The following SPATA16 variants were observed in gnomAD, a reference collection of about 807,000 sequenced individuals.
SPATA16 encodes the protein spermatogenesis-associated protein 16.
Under a neutral mutation model 63.3 loss-of-function variants are expected in SPATA16, and 36 were observed. The ratio of observed to expected loss-of-function variants is 0.57; its 90% CI spans 0.44 to 0.75. SPATA16 has a LOEUF of 0.75. Among genes scored for constraint, SPATA16 ranks in the 30% least tolerant of loss-of-function variants. The pLI, the probability that SPATA16 is intolerant of heterozygous loss-of-function variation, is 0.00. For synonymous variants in SPATA16, 203 were observed against 216.7 expected (o/e 0.94, Z 0.56); for missense variants, 646 against 679.3 (o/e 0.95, Z 0.54).
chr3:173,097,684 G>C (rs1013412814), intron 2 of SPATA16, among the ~76,000 whole-genome samples: 2 of 152,178 alleles, frequency 1.3e-5, no homozygotes, highest in Admixed American at 6.6e-5. Flanking sequence ...TTTACTGCAC[G>C]TAAGGGATGG....
intron 3 of SPATA16, among the ~76,000 whole-genome samples, chr3:173,034,058 T>C (rs1414189567): frequency 1.3e-5 from 2 of 152,172 alleles, no homozygotes; most frequent in African/African-American, 4.8e-5. Flanking sequence ...AACTTCCCTC[T>C]GTTCTACCTA....
At chr3:173,115,757 G>A (rs1737878688) in intron 2 of SPATA16, among the ~76,000 whole-genome samples, 1 of 152,114 alleles carries the variant, frequency 6.6e-6, no homozygotes, top group African/African-American at 2.4e-5. Flanking sequence ...CATTATAACT[G>A]TAGTCATTTT....
At chr3:173,063,070 A>G (rs1736423628) in intron 2 of SPATA16, among the ~76,000 whole-genome samples, 2 of 152,206 alleles carry the variant, frequency 1.3e-5, no homozygotes, top group African/African-American at 2.4e-5. Context: ...TCCAACAGCT[A>G]TTACTAATAT....
intron 4 of SPATA16, among the ~76,000 whole-genome samples, chr3:173,007,764 A>G (rs1161968811): frequency 6.6e-6 from 1 of 152,102 alleles, no homozygotes; most frequent in Non-Finnish European, 1.5e-5. Context: ...TGAACTTGGT[A>G]AAATACATCT....
At chr3:173,077,570 A>G (rs1486357234) in intron 2 of SPATA16, among the ~76,000 whole-genome samples, 2 of 152,212 alleles carry the variant, frequency 1.3e-5, no homozygotes, top group Admixed American at 1.3e-4. Flanking sequence ...GTGGTGAGAT[A>G]TAACAGAAAG....
At chr3:173,082,939 T>C (rs1053714809) in intron 2 of SPATA16, among the ~76,000 whole-genome samples, 1 of 152,192 alleles carries the variant, frequency 6.6e-6, no homozygotes, top group Non-Finnish European at 1.5e-5. Context: ...TGTTCACTTT[T>C]GTATCACCAG....
intron 4 of SPATA16, among the ~76,000 whole-genome samples, chr3:172,999,657 G>A (rs183607671): frequency 5.9e-5 from 9 of 151,988 alleles, no homozygotes; most frequent in African/African-American, 1.7e-4. Flanking sequence ...CAGTTGATCC[G>A]CCCGCCTAGG....
At chr3:172,919,560 C>T (rs980551473) in intron 8 of SPATA16, among the ~76,000 whole-genome samples, 2 of 152,110 alleles carry the variant, frequency 1.3e-5, no homozygotes, top group South Asian at 2.1e-4. Flanking sequence ...ACGTATTTAC[C>T]GACTGTATTC....
Position 172,925,452 on chromosome 3 carries a change from C to G in SPATA16, c.1122G>C (p.Trp374Cys). The part of the protein sequence containing the change: ...ALHMLPQTVD[W>C]SSFPPQQYLL... ...GATATTGTTGGGGAGGAAAAGATGA[C>G]CAGTCAACTGTCTGAGGCAACATGT... The change falls in exon 7 of 11, where the codon TGG (tryptophan) becomes TGC (cysteine). Residue 374 changes from tryptophan to cysteine, a missense_variant. By Grantham distance (215) the Trp-to-Cys change is radical. Coordinates refer to ENST00000351008, the MANE Select transcript of SPATA16 (RefSeq NM_031955.6). 1 of 1,613,952 alleles carries G rather than the reference C, an allele frequency of 6.2e-7. No homozygotes were observed. The highest frequency in any genetic ancestry group is 8.5e-7 in the Non-Finnish European group (1 of 1,179,950).
intron 2 of SPATA16, among the ~76,000 whole-genome samples, chr3:173,100,727 C>A (rs915624483): frequency 6.7e-6 from 1 of 148,494 alleles, no homozygotes; most frequent in Non-Finnish European, 1.5e-5. Flanking sequence ...TCTTGTTTAT[C>A]AATTTTTACA....
intron 4 of SPATA16, among the ~76,000 whole-genome samples, chr3:173,011,602 G>A (rs1735075830): frequency 6.6e-6 from 1 of 152,074 alleles, no homozygotes; most frequent in Non-Finnish European, 1.5e-5. Context: ...GCAAGTCCTA[G>A]CCGGCAAACT....
chr3:172,910,516 T>C (rs768211015), intron 10 of SPATA16, among the ~76,000 whole-genome samples: 20 of 152,144 alleles, frequency 1.3e-4, no homozygotes, highest in Non-Finnish European at 2.9e-4. Context: ...ATGGCATGGC[T>C]GTGTGAAATC....
chr3:173,068,631 C>G (rs1156416516), intron 2 of SPATA16, among the ~76,000 whole-genome samples: 1 of 151,968 alleles, frequency 6.6e-6, no homozygotes, highest in Non-Finnish European at 1.5e-5. Flanking sequence ...TGAAAAATTT[C>G]TTGAAACAAA....
At chr3:172,963,841 TAGAAATGAAAGCA>T (rs2108241465) in intron 5 of SPATA16, among the ~76,000 whole-genome samples, 1 of 152,260 alleles carries the variant, frequency 6.6e-6, no homozygotes, top group South Asian at 2.1e-4. Context: ...GTTACAAAAT[TAGAAATGAAAGCA>T]AGATGAGAGC....
rs1738339332 is a variant in SPATA16, at chr3:173,130,295, G to A, written c.-19+10808C>T. On this transcript the variant is annotated intron_variant, in intron 1 of 10. Transcript: ENST00000351008. ...GAATCACTTGAACCTGAGAGTCAGA[G>A]GTTGCAGTGAGCCGAGATTGTGCCA... Among the ~76,000 whole-genome samples, 4 of 149,172 alleles carry A rather than the reference G, an allele frequency of 2.7e-5. No homozygotes were observed. In the South Asian group the frequency reaches 8.5e-4, roughly 32 times the overall value.
intron 4 of SPATA16, among the ~76,000 whole-genome samples, chr3:173,006,909 T>C (rs1032056462): frequency 6.6e-6 from 1 of 152,200 alleles, no homozygotes; most frequent in Non-Finnish European, 1.5e-5. Flanking sequence ...TTGATAATCA[T>C]TTATAGCACA....
chr3:173,101,964 G>T (rs1158968530), intron 2 of SPATA16, among the ~76,000 whole-genome samples: 1 of 152,048 alleles, frequency 6.6e-6, no homozygotes, highest in African/African-American at 2.4e-5. Flanking sequence ...ACAATTAATG[G>T]TTCTCCCTTC....
At chr3:172,995,315 A>C (rs777282951) in intron 4 of SPATA16, among the ~76,000 whole-genome samples, 1 of 152,078 alleles carries the variant, frequency 6.6e-6, no homozygotes, top group Non-Finnish European at 1.5e-5. Context: ...ACTAGGTAAT[A>C]CTATTATTAT....
rs1731853839 is a variant in SPATA16 at position 172,889,646 on chromosome 3, A to T, written c.1634T>A (p.Leu545Ter). 1 of 1,613,424 alleles carries T rather than the reference A, an allele frequency of 6.2e-7. No homozygotes were observed. Among genetic ancestry groups the T allele is most frequent in the African/African-American group, 1.3e-5 (1 of 74,880 alleles). ...AGCAGTTCTCAGTTTTTTAGTTTTT[A>T]AGAAACTGTCCTCTAATTGGTATAG... ...DFLYQLEDSF[L>*]KTKKLRTARR... Residue 545 changes from leucine (L) to a stop codon, truncating the protein, a stop_gained, in exon 11 of 11, where the codon TTA (leucine) becomes TAA (stop). Transcript: ENST00000351008. LOFTEE classifies it high-confidence loss of function.
Sources: allele counts gnomAD v4.1 joint callset (sites outside exome capture counted in the v4.1 genomes callset), GRCh38; gene constraint gnomAD v4.1.1; transcripts MANE v1.5; gene names NCBI Gene and HGNC (gene_info 2026-07-23, HGNC 2026-07-21).